Variants in PTPRN2 observed in about 807,000 individuals in gnomAD.
PTPRN2 encodes the protein protein tyrosine phosphatase receptor type N2.
In PTPRN2, 74 loss-of-function variants were observed where a neutral mutation model predicts 118.8. That is an observed-to-expected ratio of 0.62 (90% CI 0.52 to 0.76). The LOEUF (loss-of-function observed/expected upper bound fraction) is 0.76, where lower values mean the gene tolerates loss of function less well. Among genes scored for constraint, PTPRN2 ranks in the 30% least tolerant of loss-of-function variants. The pLI, the probability that PTPRN2 is intolerant of heterozygous loss-of-function variation, is 0.00. For missense variants in PTPRN2, 1,481 were observed against 1,394.4 expected (o/e 1.06, Z -0.99); for synonymous variants, 641 against 608.0 (o/e 1.05, Z -0.80).
chr7:158,028,320 A>T (rs760523479), intron 11 of PTPRN2: 1 of 152,480 alleles, frequency 6.6e-6, no homozygotes, highest in Non-Finnish European at 1.5e-5. Context: ...GGCATGGAGG[A>T]AGAGGCAGGA....
At position 158,110,918 on chromosome 7, in the gene PTPRN2, GC is replaced by G; in HGVS notation, c.1557-4del. ...TTCCTTCCTCGGGGCGCAGGGGGCTGCGGATGACAGCAGGGATGGGGAGCAG... is the reference window on the plus strand; with the variant it reads ...TTCCTTCCTCGGGGCGCAGGGGGCTGGGATGACAGCAGGGATGGGGAGCAG... On this transcript the variant is annotated splice_polypyrimidine_tract_variant and splice_region_variant and intron_variant, in intron 9 of 22. Coordinates refer to ENST00000389418, the MANE Select transcript of PTPRN2 (RefSeq NM_002847.5). The G allele has an allele frequency of 6.4e-7, 1 of 1,554,972 alleles. No homozygotes were observed. Among genetic ancestry groups the G allele is most frequent in the Non-Finnish European group, 8.7e-7 (1 of 1,151,936 alleles).
At chr7:157,825,847 C>T (rs1263317055) in intron 12 of PTPRN2, among the ~76,000 whole-genome samples, 1 of 152,220 alleles carries the variant, frequency 6.6e-6, no homozygotes, top group Non-Finnish European at 1.5e-5. Flanking sequence ...GTTCTGGAGA[C>T]CTCAAGGCTC....
At chr7:158,112,473 G>A (rs537246641) in intron 9 of PTPRN2, among the ~76,000 whole-genome samples, 229 of 152,322 alleles carry the variant, frequency 1.5e-3, no homozygotes, top group African/African-American at 4.9e-3. Context: ...GCTGGGGCAG[G>A]GGCCTGAGCT....
intron 15 of PTPRN2, chr7:157,613,933 C>T: frequency 2.3e-6 from 1 of 442,970 alleles, no homozygotes; most frequent in Non-Finnish European, 4.7e-6. Context: ...TTACAGGCCA[C>T]ATGGCCAGGG....
chr7:158,179,192 G>T (rs1824483140), intron 5 of PTPRN2, among the ~76,000 whole-genome samples: 1 of 152,084 alleles, frequency 6.6e-6, no homozygotes, highest in South Asian at 2.1e-4. Context: ...TTTAATAATA[G>T]TCATTCTTGC....
chr7:157,599,659 C>T (rs1003240680), intron 16 of PTPRN2, among the ~76,000 whole-genome samples: 5 of 152,210 alleles, frequency 3.3e-5, no homozygotes, highest in African/African-American at 4.8e-5. Flanking sequence ...GCACCCACTG[C>T]GGGGCAGGTG....
intron 4 of PTPRN2, among the ~76,000 whole-genome samples, chr7:158,198,303 T>C (rs1826373399): frequency 6.6e-6 from 1 of 152,264 alleles, no homozygotes; most frequent in Non-Finnish European, 1.5e-5. Context: ...AACTTGCACA[T>C]TGACTTTTGC....
chr7:157,810,353 T>C (rs1052718552), intron 12 of PTPRN2, among the ~76,000 whole-genome samples: 2 of 152,126 alleles, frequency 1.3e-5, no homozygotes, highest in Non-Finnish European at 2.9e-5. Context: ...TTGACGAGGC[T>C]ATGCCAGGCT....
At chr7:158,128,229 G>A (rs55957142) in intron 9 of PTPRN2, among the ~76,000 whole-genome samples, 1 of 152,214 alleles carries the variant, frequency 6.6e-6, no homozygotes, top group Non-Finnish European at 1.5e-5. Flanking sequence ...CAAATTATTA[G>A]TCTGATAATA....
At chr7:157,716,498 CGGG>C (rs1188677632) in intron 12 of PTPRN2, among the ~76,000 whole-genome samples, 5 of 87,892 alleles carry the variant, frequency 5.7e-5, no homozygotes, top group African/African-American at 6.1e-5. Context: ...GTAGACTCTG[CGGG>C]AACACTGCCT....
intron 11 of PTPRN2, among the ~76,000 whole-genome samples, chr7:158,035,274 C>T (rs778993489): frequency 3.3e-5 from 5 of 152,222 alleles, no homozygotes; most frequent in Non-Finnish European, 5.9e-5. Flanking sequence ...ATGTCCATTT[C>T]GAGCACACAT....
At chr7:157,995,833 G>A (rs546839421) in intron 11 of PTPRN2, among the ~76,000 whole-genome samples, 13 of 152,330 alleles carry the variant, frequency 8.5e-5, no homozygotes, top group Admixed American at 3.3e-4. Flanking sequence ...ACTACCCTTC[G>A]GAAATGCACA....
chr7:157,802,483 T>TG (rs140848246), intron 12 of PTPRN2, among the ~76,000 whole-genome samples: 1 of 152,208 alleles, frequency 6.6e-6, no homozygotes, highest in South Asian at 2.1e-4. Flanking sequence ...CGCTCGTCCC[T>TG]GGGGGACATG....
Position 158,140,732 on chromosome 7 carries a change from G to A in PTPRN2, c.911-2217C>T, listed in dbSNP as rs143542482. On this transcript the variant is annotated intron_variant, in intron 6 of 22. Coordinates refer to ENST00000389418, the MANE Select transcript of PTPRN2 (RefSeq NM_002847.5). The stretch of plus-strand genomic sequence containing the variant: ...TGAGGGTGTGCCGTGCAGCGTGGCC[G>A]CTGGTTCCAGGCCCACATGCGTCCA... 9.5e-3 allele frequency among the ~76,000 whole-genome samples: 1,441 copies of A among 152,338 alleles called. 25 individuals are homozygous for A. Among genetic ancestry groups the A allele is most frequent in the African/African-American group, 0.033 (1,360 of 41,578 alleles).
chr7:158,324,274 C>T (rs1193183346), intron 2 of PTPRN2, among the ~76,000 whole-genome samples: 1 of 152,182 alleles, frequency 6.6e-6, no homozygotes, highest in African/African-American at 2.4e-5. Flanking sequence ...CTCTTCACGC[C>T]CCCACAGCAT....
intron 11 of PTPRN2, among the ~76,000 whole-genome samples, chr7:157,910,481 C>T (rs935263259): frequency 6.7e-6 from 1 of 149,926 alleles, no homozygotes; most frequent in Non-Finnish European, 1.5e-5. Context: ...GCCGTGGGGA[C>T]GGGTCCAGGA....
At chr7:158,012,474 C>T (rs1009265692) in intron 11 of PTPRN2, among the ~76,000 whole-genome samples, 10 of 152,286 alleles carry the variant, frequency 6.6e-5, no homozygotes, top group Admixed American at 2.6e-4. Flanking sequence ...ATTCACAAAG[C>T]GTAGAAAGAA....
chr7:157,847,383 C>G (rs1365846814), intron 12 of PTPRN2, among the ~76,000 whole-genome samples: 2 of 150,778 alleles, frequency 1.3e-5, no homozygotes, highest in African/African-American at 2.5e-5. Context: ...CTCTCTGACT[C>G]TATCACGTGT....
At chr7:158,382,774 G>C in intron 2 of PTPRN2, among the ~76,000 whole-genome samples, 1 of 152,212 alleles carries the variant, frequency 6.6e-6, no homozygotes, top group Non-Finnish European at 1.5e-5. Flanking sequence ...CTGGGGAGCA[G>C]CTGCAAACAC....
Sources: gnomAD v4.1 joint callset for allele counts (sites outside exome capture counted in the v4.1 genomes callset) on GRCh38, gnomAD v4.1.1 for gene constraint, MANE v1.5 for transcripts, NCBI Gene and HGNC (gene_info 2026-07-23, HGNC 2026-07-21) for gene names.